Variants in ITGA2B observed in about 807,000 individuals in gnomAD.
The protein encoded by ITGA2B is integrin alpha-IIb.
Under a neutral mutation model 142.0 loss-of-function variants are expected in ITGA2B, and 91 were observed. That is an observed-to-expected ratio of 0.64 (90% confidence interval 0.54 to 0.76). The LOEUF (loss-of-function observed/expected upper bound fraction) is 0.76, where lower values mean the gene tolerates loss of function less well. ITGA2B is among the 30% of genes least tolerant of loss of function. The pLI, the probability that ITGA2B is intolerant of heterozygous loss-of-function variation, is 0.00. For missense variants in ITGA2B, 1,231 were observed against 1,350.8 expected, an observed-to-expected ratio of 0.91 and a Z score of 1.39; for synonymous variants, 536 against 567.2, an observed-to-expected ratio of 0.94 and a Z score of 0.78.
chr17:44,378,299 G>A, intron 20 of ITGA2B, 63 bp downstream of exon 20: 5 of 1,558,296 alleles, frequency 3.2e-6, no homozygotes, highest in Non-Finnish European at 4.4e-6. Flanking sequence ...GGAGGGAGAT[G>A]AGAGAGCCAA....
rs776803112 is a variant in ITGA2B, at chr17:44,376,137, C to G, written c.2396G>C (p.Arg799Thr). Residue 799 changes from arginine (R) to threonine (T), a missense_variant, in exon 24 of 30, where the codon AGG becomes ACG. By Grantham distance (71) the Arg-to-Thr change is moderately conservative (BLOSUM62 -1). Transcript: ENST00000262407. ...CCAGCTGTCCAAGCTGTTCTGCTCC[C>G]TCTCACCTTCTTCTGCTGCCACCAC... ...SLVVAAEEGE[R>T]EQNSLDSWGP... The G allele has an allele frequency of 8.1e-6, 13 of 1,614,054 alleles. No individual in the cohort carries two copies. Among genetic ancestry groups the G allele is most frequent in the Non-Finnish European group, 1.0e-5 (12 of 1,180,034 alleles).
intron 29 of ITGA2B, 91 bp from the exon 30 acceptor site, chr17:44,372,514 C>G (rs995738659): frequency 2.1e-5 from 24 of 1,142,492 alleles, no homozygotes; most frequent in Non-Finnish European, 2.9e-5. Flanking sequence ...ATGAGCACCT[C>G]CCTGGACCAG....
Position 44,380,690 on chromosome 17 carries a change from G to A in ITGA2B, c.1394-45C>T, listed in dbSNP as rs532780329. The stretch of plus-strand genomic sequence containing the variant: ...GGTCAGAATTGGCGATTAGGGCATG[G>A]GATCCTCATCTCATCTTCCCAGGGG... On this transcript the variant is annotated intron_variant, in intron 13 of 29. Transcript: ENST00000262407. 2.5e-5 allele frequency: 40 copies of A among 1,612,970 alleles called. No homozygotes were observed. In the South Asian group the frequency reaches 4.3e-4, roughly 17 times the overall value.
intron 4 of ITGA2B, 76 bp from the exon 5 acceptor site, chr17:44,385,411 CA>C (rs1402454212): frequency 6.4e-7 from 1 of 1,552,262 alleles, no homozygotes; most frequent in Non-Finnish European, 8.7e-7. Context: ...GGCTGGGGGA[CA>C]GGGGCGGGGC....
In ITGA2B at chr17:44,374,468, C is replaced by T. The variant is rs148263909; in HGVS notation, c.2946G>A (p.Val982=). 1.7e-5 allele frequency: 28 copies of T among 1,613,880 alleles called. 1 individual carries two copies. The African/African-American group carries it at 2.7e-4, about 15-fold the overall frequency. ...PLSLPRGEAQ[V]WTQLLRALEE... ...CCAAGGCCCGGAGCAGCTGTGTCCA[C>T]ACCTGGGGGCAAACCCACGTGTCTC... The change falls in exon 29 of 30, where the codon GTG becomes GTA. Residue 982 remains valine (V), a splice_region_variant and synonymous_variant. Coordinates refer to ENST00000262407, the MANE Select transcript of ITGA2B (RefSeq NM_000419.5).
chr17:44,376,288 C>T lies in ITGA2B; in HGVS notation c.2348+20G>A. 2 of 1,614,184 alleles carry T rather than the reference C, an allele frequency of 1.2e-6. No homozygotes were observed. The highest frequency in any genetic ancestry group is 1.7e-6 in the Non-Finnish European group (2 of 1,180,006). ...TAGAGCCCTGAATGCCATCTCCCTT[C>T]TCCACCCCTGGCCTCTCACCCTCGC... On this transcript the variant is annotated intron_variant, in intron 23 of 29. Transcript: ENST00000262407.
At position 44,377,058 on chromosome 17, in the gene ITGA2B, T is replaced by A; in HGVS notation, c.2218A>T (p.Asn740Tyr). The change falls in exon 22 of 30, where the codon AAT (asparagine) becomes TAT (tyrosine). Residue 740 changes from asparagine (N) to tyrosine (Y), a missense_variant. Transcript: ENST00000262407. ...ACAGACTCCCCAGCCTCTTCCAGATTCCCCACGCTCACCAACATCGCGATT... is the reference window on the plus strand; with the variant it reads ...ACAGACTCCCCAGCCTCTTCCAGATACCCCACGCTCACCAACATCGCGATT... Reference protein sequence around the residue: ...IGIAMLVSVGNLEEAGESVSF... With the variant: ...IGIAMLVSVGYLEEAGESVSF... 5 of 1,590,474 alleles carry A rather than the reference T, an allele frequency of 3.1e-6. No individual in the cohort carries two copies. Among genetic ancestry groups the A allele is most frequent in the Non-Finnish European group, 4.3e-6 (5 of 1,168,568 alleles).
chr17:44,376,417 G>C, intron 22 of ITGA2B, 29 bp from the exon 23 acceptor site: 1 of 1,609,174 alleles, frequency 6.2e-7, no homozygotes, highest in Non-Finnish European at 8.5e-7. Context: ...GGAGAAACAG[G>C]GCCAGGGACA....
At chr17:44,384,054 C>T (rs1208350797) in intron 10 of ITGA2B, 31 bp downstream of exon 10, 2 of 1,613,772 alleles carry the variant, frequency 1.2e-6, no homozygotes, top group East Asian at 4.5e-5. Context: ...CCCCCTCCAC[C>T]CAGCCACGCC....
rs759168431 is a variant in ITGA2B at position 44,379,736 on chromosome 17, T to C, written c.1831A>G (p.Met611Val). 3.1e-6 allele frequency: 5 copies of C among 1,613,778 alleles called. No individual in the cohort carries two copies. ...CCATGCAGCACGACAGCAGGGGCCA[T>C]TCCAGCCTCCGTGGGCGGTAGGGAC... ...NVSLPPTEAG[M>V]APAVVLHGDT... Residue 611 changes from methionine to valine, a missense_variant, in exon 18 of 30, where the codon ATG becomes GTG. By Grantham distance (21) the Met-to-Val change is conservative (BLOSUM62 1). Coordinates refer to ENST00000262407, the MANE Select transcript of ITGA2B (RefSeq NM_000419.5).
chr17:44,385,058 G>A lies in ITGA2B; in HGVS notation c.689C>T (p.Pro230Leu). 1 of 1,614,172 alleles carries A rather than the reference G, an allele frequency of 6.2e-7. No individual in the cohort carries two copies. The highest frequency in any genetic ancestry group is 2.2e-5 in the East Asian group (1 of 44,878). ...GTAACTCGAGAAAATATCCGCAACT[G>A]GAGCCTGGGCCAGGAGACCTAGGGC... is the stretch of plus-strand genomic sequence containing the variant. ...YYFLGLLAQA[P>L]VADIFSSYRP... The change falls in exon 7 of 30, where the codon CCA becomes CTA. Residue 230 changes from proline (P) to leucine (L), a missense_variant. By Grantham distance (98) the Pro-to-Leu change is moderately conservative. Around this residue, in one of 3 missense-constraint regions of ITGA2B, gnomAD observed 318 missense variants for 312.2 expected, o/e 1.02. Transcript: ENST00000262407.
At chr17:44,379,875 C>T (rs2048578707) in intron 17 of ITGA2B, 61 bp from the exon 18 acceptor site, 3 of 1,612,940 alleles carry the variant, frequency 1.9e-6, no homozygotes, top group Non-Finnish European at 2.5e-6. Flanking sequence ...TTCTCCTGGC[C>T]AGTAGGCACC....
intron 22 of ITGA2B, among the ~76,000 whole-genome samples, chr17:44,376,674 C>G (rs2048547178): frequency 6.6e-6 from 1 of 151,970 alleles, no homozygotes; most frequent in Non-Finnish European, 1.5e-5. Flanking sequence ...GTGGCCCAAT[C>G]TCAGCTCACT....
In ITGA2B at chr17:44,384,312, G is replaced by A. The variant is rs2143480444; in HGVS notation, c.890C>T (p.Ala297Val). 5 of 1,613,190 alleles carry A rather than the reference G, an allele frequency of 3.1e-6. No homozygotes were observed. The highest frequency in any genetic ancestry group is 2.7e-5 in the African/African-American group (2 of 74,998). ...AGGCCCAGTGGTGGGGGCACTTACC[G>A]CTCCCAGGGTCCAGCTCCAAGTGGG... ...GAPTWSWTLG[A>V]VEILDSYYQR... is the part of the protein sequence containing the mutation. Residue 297 changes from alanine (A) to valine (V), a missense_variant and splice_region_variant, in exon 9 of 30, where the codon GCG (alanine) becomes GTG (valine). Physicochemically the swap from Ala to Val is moderately conservative, Grantham distance 64 (BLOSUM62 0). This residue lies in a region of ITGA2B where 908 missense variants were observed against 1,021.1 expected (regional missense o/e 0.89). Transcript: ENST00000262407.
intron 20 of ITGA2B, 87 bp downstream of exon 20, chr17:44,378,275 A>T: frequency 6.7e-7 from 1 of 1,486,194 alleles, no homozygotes; most frequent in Non-Finnish European, 9.0e-7. Context: ...GCAGAAGAGA[A>T]GAGGGACTCT....
At chr17:44,388,809 G>A (rs1468301834) in intron 1 of ITGA2B, among the ~76,000 whole-genome samples, 2 of 139,230 alleles carry the variant, frequency 1.4e-5, no homozygotes, top group Non-Finnish European at 3.1e-5. Flanking sequence ...GAGCCACTGT[G>A]CCTGGTCTCT....
rs1469549840 is a variant in ITGA2B at position 44,376,316 on chromosome 17, C to T, written c.2340G>A (p.Glu780=). Residue 780 remains glutamate (E), a synonymous_variant, in exon 23 of 30, where the codon GAG becomes GAA. Coordinates refer to ENST00000262407, the MANE Select transcript of ITGA2B (RefSeq NM_000419.5). ...DVPVRAEAQV[E]LRGNSFPASL... ...CACCCCTGGCCTCTCACCCTCGCAG[C>T]TCCACTTGGGCCTCTGCCCGGACCG... 3.1e-6 allele frequency: 5 copies of T among 1,614,216 alleles called. No individual in the cohort carries two copies. The South Asian group carries it at 5.5e-5, about 18-fold the overall frequency.
chr17:44,385,588 C>T lies in ITGA2B; in HGVS notation c.537G>A (p.Gly179=), dbSNP rs1379242493. ...CCACGTAAATGCGGCTCAGGGTGTT[C>T]CCGCGACAGGGGGAGTACTCGGCGC... The part of the protein sequence containing the change: ...GRRAEYSPCR[G]NTLSRIYVEN... The change falls in exon 4 of 30, where the codon GGG becomes GGA. Residue 179 remains glycine, a synonymous_variant. Transcript: ENST00000262407. 1 of 1,608,312 alleles carries T rather than the reference C, an allele frequency of 6.2e-7. No individual in the cohort carries two copies. The highest frequency in any genetic ancestry group is 1.7e-5 in the Admixed American group (1 of 59,298).
chr17:44,380,609 G>A lies in ITGA2B; in HGVS notation c.1430C>T (p.Ala477Val), dbSNP rs1335411192. 1 of 1,614,180 alleles carries A rather than the reference G, an allele frequency of 6.2e-7. No individual in the cohort carries two copies. Among genetic ancestry groups the A allele is most frequent in the South Asian group, 1.1e-5 (1 of 91,084 alleles). Reference protein sequence around the residue: ...IVGAYGANQVAVYRAQPVVKA... With the variant: ...IVGAYGANQVVVYRAQPVVKA... ...TGGAGCCAGTGCTCACCTGTACACAGCCACCTGGTTGGCCCCGTAAGCTCC... is the reference window on the plus strand; with the variant it reads ...TGGAGCCAGTGCTCACCTGTACACAACCACCTGGTTGGCCCCGTAAGCTCC... Residue 477 changes from alanine (A) to valine (V), a missense_variant, in exon 14 of 30, where the codon GCT (alanine) becomes GTT (valine). This residue lies in a region of ITGA2B where 908 missense variants were observed against 1,021.1 expected (regional missense o/e 0.89). Coordinates refer to ENST00000262407, the MANE Select transcript of ITGA2B (RefSeq NM_000419.5).
Sources: allele counts gnomAD v4.1 joint callset (sites outside exome capture counted in the v4.1 genomes callset), GRCh38; gene constraint gnomAD v4.1.1; regional missense constraint gnomAD v4.1.1; transcripts MANE v1.5; gene names NCBI Gene and HGNC (gene_info 2026-07-23, HGNC 2026-07-21).